Variants in PGC observed in about 807,000 individuals in gnomAD.
PGC encodes progastricsin.
PGC carries 31 observed loss-of-function variants against 45.9 expected under a neutral mutation model. The observed-to-expected ratio is 0.67, with a 90% confidence interval of 0.51 to 0.91. The LOEUF (loss-of-function observed/expected upper bound fraction) is 0.91, where lower values mean the gene tolerates loss of function less well. PGC is among the 40% of genes least tolerant of loss of function. PGC has a pLI of 0.00. For synonymous variants in PGC, 192 were observed against 201.8 expected, an observed-to-expected ratio of 0.95 and a Z score of 0.41; for missense variants, 477 against 493.2, an observed-to-expected ratio of 0.97 and a Z score of 0.31.
chr6:41,743,363 C>A lies in PGC; in HGVS notation c.355G>T (p.Glu119Ter). 3 of 1,613,830 alleles carry A rather than the reference C, an allele frequency of 1.9e-6. No individual in the cohort carries two copies. The highest frequency in any genetic ancestry group is 2.5e-6 in the Non-Finnish European group (3 of 1,179,742). ...CTSHSRFNPSESSTYSTNGQT... is the reference protein window; with the variant it reads ...CTSHSRFNPS ...CCATTGGTGGAGTAGGTGGACGACT[C>A]GCTGGGGTTGAAGCGGGAGTGACTG... Residue 119 changes from glutamate (E) to a stop codon, truncating the protein, a stop_gained, in exon 4 of 9, where the codon GAG becomes TAG. Transcript: ENST00000373025. LOFTEE classifies it high-confidence loss of function.
chr6:41,738,529 G>C (rs1771759449), intron 7 of PGC, among the ~76,000 whole-genome samples: 1 of 152,012 alleles, frequency 6.6e-6, no homozygotes, highest in Non-Finnish European at 1.5e-5. Context: ...TCAGGAGGCT[G>C]AGGTGGGAGG....
intron 5 of PGC, chr6:41,741,844 C>T (rs1291120310): frequency 1.3e-6 from 2 of 1,534,400 alleles, no homozygotes; most frequent in African/African-American, 2.7e-5. Context: ...CAGGACCAGG[C>T]TAGAACAATA....
chr6:41,742,266 G>C, intron 5 of PGC, 24 bp downstream of exon 5: 1 of 1,607,628 alleles, frequency 6.2e-7, no homozygotes, highest in South Asian at 1.1e-5. Flanking sequence ...CCGGGAGGTG[G>C]GGACTGGCCA....
intron 5 of PGC, chr6:41,740,903 G>A (rs1771810203): frequency 6.9e-7 from 1 of 1,448,240 alleles, no homozygotes; most frequent in Non-Finnish European, 9.0e-7. Context: ...CCCTTAGATT[G>A]GGGCTCCCTG....
chr6:41,741,680 G>T (rs1771827624), intron 5 of PGC: 2 of 707,304 alleles, frequency 2.8e-6, no homozygotes, highest in African/African-American at 1.8e-5. Context: ...AAAGCAAGTT[G>T]CTGGTTAATT....
In PGC at chr6:41,744,524, A is replaced by G. The variant is rs1260438028; in HGVS notation, c.211-10T>C. On this transcript the variant is annotated splice_polypyrimidine_tract_variant and intron_variant, in intron 2 of 8. Coordinates refer to ENST00000373025, the MANE Select transcript of PGC (RefSeq NM_002630.4). This position sits in a 1 kb window ranked among gnomAD's most constrained non-coding sequence, Gnocchi z 4.4. ...CACCAAAGTAGGCAGCCTGGGGGCC[A>G]TGGAGCAAGCTGTTAGTTCCAGAGG... 1.2e-6 allele frequency: 2 copies of G among 1,607,594 alleles called. No individual in the cohort carries two copies. The highest frequency in any genetic ancestry group is 2.2e-5 in the East Asian group (1 of 44,798).
chr6:41,738,028 G>A (rs1295716542), intron 7 of PGC, among the ~76,000 whole-genome samples, 200 bp from the exon 8 acceptor site: 1 of 151,272 alleles, frequency 6.6e-6, no homozygotes, highest in African/African-American at 2.4e-5. Context: ...GAATGGGTGT[G>A]ATTTGGAGTG....
chr6:41,740,956 C>G, intron 5 of PGC: 1 of 1,509,756 alleles, frequency 6.6e-7, no homozygotes, highest in Non-Finnish European at 8.8e-7. Flanking sequence ...TCTGGCCAGG[C>G]CTTGGAATTC....
intron 1 of PGC, among the ~76,000 whole-genome samples, chr6:41,746,703 T>C (rs1382452251): frequency 6.6e-6 from 1 of 152,200 alleles, no homozygotes; most frequent in African/African-American, 2.4e-5. Context: ...AGGAGCCAGC[T>C]CTTGGCCTCA....
rs1159356152 is a variant in PGC, at chr6:41,744,991, CTCTCTGTGTG to C, written c.60-193_60-184del. Among the ~76,000 whole-genome samples, 1 of 39,892 alleles carries C rather than the reference CTCTCTGTGTG, an allele frequency of 2.5e-5. No homozygotes were observed. Among genetic ancestry groups the C allele is most frequent in the Non-Finnish European group, 5.4e-5 (1 of 18,350 alleles). The allele number at this position is 39,892 out of a possible 152,430, so 26.2% of individuals were successfully genotyped here. ...TTGCTCTCTGTCTCTGTCTGTCTGT[CTCTCTGTGTG>C]TGTGTGTGTGTGTGCGCGCGCGCGT... On this transcript the variant is annotated intron_variant, in intron 1 of 8. Transcript: ENST00000373025. This position sits in a 1 kb window ranked among gnomAD's most constrained non-coding sequence, Gnocchi z 4.4.
Position 41,744,770 on chromosome 6 carries a change from A to C in PGC, c.98T>G (p.Met33Arg). ...LKKFKSIRETMKEKGLLGEFL... is the reference protein window; with the variant it reads ...LKKFKSIRETRKEKGLLGEFL... ...CTCCCCCAGCAAGCCCTTCTCCTTC[A>C]TGGTCTCACGGATAGACTTAAATTT... Residue 33 changes from methionine (M) to arginine (R), a missense_variant, in exon 2 of 9, where the codon ATG becomes AGG. Coordinates refer to ENST00000373025, the MANE Select transcript of PGC (RefSeq NM_002630.4). This position sits in a 1 kb window ranked among gnomAD's most constrained non-coding sequence, Gnocchi z 4.4. The C allele has an allele frequency of 6.2e-7, 1 of 1,614,052 alleles. No individual in the cohort carries two copies. The highest frequency in any genetic ancestry group is 2.2e-5 in the East Asian group (1 of 44,872).
chr6:41,742,194 C>T, intron 5 of PGC, 96 bp downstream of exon 5: 1 of 1,113,028 alleles, frequency 9.0e-7, no homozygotes, highest in Non-Finnish European at 1.3e-6. Context: ...CGCTGGGATG[C>T]CTCCAAACCC....
intron 5 of PGC, chr6:41,741,785 A>G: frequency 6.5e-7 from 1 of 1,533,918 alleles, no homozygotes; most frequent in Non-Finnish European, 8.7e-7. Context: ...TTGACTGGCA[A>G]GGATAACAAC....
intron 4 of PGC, 23 bp downstream of exon 4, chr6:41,743,248 C>A: frequency 7.2e-7 from 1 of 1,397,542 alleles, no homozygotes; most frequent in East Asian, 2.3e-5. Context: ...CAGCCCCAGC[C>A]TCCACTCCCC....
At chr6:41,741,129 T>C (rs1383412764) in intron 5 of PGC, 20 of 1,537,054 alleles carry the variant, frequency 1.3e-5, no homozygotes, top group Non-Finnish European at 1.7e-5. Context: ...TCTGCTGAGA[T>C]TGGAGACAGG....
intron 4 of PGC, 92 bp from the exon 5 acceptor site, chr6:41,742,581 C>T: frequency 1.1e-6 from 1 of 884,142 alleles, no homozygotes; most frequent in Middle Eastern, 2.2e-4. Context: ...TCTGTTCATC[C>T]CTTCCTCACC....
At chr6:41,739,099 C>T (rs1210075692) in intron 7 of PGC, among the ~76,000 whole-genome samples, 1 of 152,174 alleles carries the variant, frequency 6.6e-6, no homozygotes, top group African/African-American at 2.4e-5. Flanking sequence ...TCAAGACAGA[C>T]AAGCGCAGGG....
At position 41,742,411 on chromosome 6, in the gene PGC, A is replaced by G. The variant is rs760290944; in HGVS notation, c.526T>C (p.Phe176Leu). Residue 176 changes from phenylalanine (F) to leucine (L), a missense_variant, in exon 5 of 9, where the codon TTT becomes CTT. Physicochemically the swap from Phe to Leu is conservative, Grantham distance 22. Coordinates refer to ENST00000373025, the MANE Select transcript of PGC (RefSeq NM_002630.4). ...TAGGCCAGGCCCATGATGCCATCAA[A>G]CTGCGCATAGACGAAGTTGGTACCA... ...EPGTNFVYAQ[F>L]DGIMGLAYPA... is the part of the protein sequence containing the mutation. 6.2e-7 allele frequency: 1 copy of G among 1,614,126 alleles called. No homozygotes were observed.
intron 5 of PGC, 46 bp downstream of exon 5, chr6:41,742,244 C>G (rs199964929): frequency 3.8e-6 from 6 of 1,563,810 alleles, no homozygotes; most frequent in Non-Finnish European, 5.3e-6. Context: ...CCAGGGCGGC[C>G]GGGGGAGCAT....
Sources: gnomAD v4.1 joint callset for allele counts (sites outside exome capture counted in the v4.1 genomes callset) on GRCh38, gnomAD v4.1.1 for gene constraint, Gnocchi (gnomAD v3.1) non-coding constraint, MANE v1.5 for transcripts, NCBI Gene and HGNC (gene_info 2026-07-23, HGNC 2026-07-21) for gene names.